Variants in FCRL4 observed in about 807,000 individuals in gnomAD.
FCRL4 encodes Fc receptor like 4.
Under a neutral mutation model 64.1 loss-of-function variants are expected in FCRL4, and 43 were observed. The observed-to-expected ratio is 0.67, with a 90% CI of 0.53 to 0.87. FCRL4 has a LOEUF of 0.87. Among genes scored for constraint, FCRL4 ranks in the 40% least tolerant of loss-of-function variants. The pLI is 0.00. For synonymous variants in FCRL4, 253 were observed against 239.8 expected (o/e 1.05, Z -0.51); for missense variants, 656 against 613.5 (o/e 1.07, Z -0.73).
Position 157,575,479 on chromosome 1 carries a change from G to T in FCRL4, c.*45C>A. Reference sequence around the variant, plus strand: ...GCACTGGGCCTGGGACTTTGGACAAGGGAGAAATCACATGAGTAGGACGTT... The same window carrying T: ...GCACTGGGCCTGGGACTTTGGACAATGGAGAAATCACATGAGTAGGACGTT... On this transcript the variant is annotated 3_prime_UTR_variant, in exon 12 of 12. Transcript: ENST00000271532. The T allele has an allele frequency of 6.8e-7, 1 of 1,469,026 alleles. No homozygotes were observed. Among genetic ancestry groups the T allele is most frequent in the Non-Finnish European group, 9.5e-7 (1 of 1,054,712 alleles). 91.0% of individuals were successfully genotyped at this position (1,469,026 alleles called of 1,614,324 possible). A position where few individuals can be genotyped will look rare whatever the true frequency, so the allele number is the denominator to read the frequency against.
rs1352210176 is a variant in FCRL4, at chr1:157,575,617, T to C, written c.1462-7A>G. On this transcript the variant is annotated splice_polypyrimidine_tract_variant and splice_region_variant and intron_variant, in intron 11 of 11. Transcript: ENST00000271532. ...AGTAGACAACTGAGACATCCTGAAA[T>C]GGAAGAAAGAAGTGGAAACCGAGAG... is the stretch of plus-strand genomic sequence containing the variant. The C allele has an allele frequency of 6.2e-7, 1 of 1,613,260 alleles. No homozygotes were observed. The highest frequency in any genetic ancestry group is 8.5e-7 in the Non-Finnish European group (1 of 1,179,448).
intron 2 of FCRL4, among the ~76,000 whole-genome samples, chr1:157,595,642 G>GC (rs1652944700): frequency 2.0e-5 from 3 of 152,232 alleles, no homozygotes; most frequent in African/African-American, 7.2e-5. Flanking sequence ...GTCTCAGGAA[G>GC]GGTGTGTGGG....
At chr1:157,592,887 C>A (rs1307339228) in intron 2 of FCRL4, among the ~76,000 whole-genome samples, 1 of 152,162 alleles carries the variant, frequency 6.6e-6, no homozygotes, top group Non-Finnish European at 1.5e-5. Flanking sequence ...ACATATACAC[C>A]ATGGAATACT....
In FCRL4 at chr1:157,578,529, C is replaced by CT. The variant is rs1170893933; in HGVS notation, c.1373dup (p.Asp460ArgfsTer6). The CT allele has an allele frequency of 3.3e-5, 54 of 1,613,906 alleles. No homozygotes were observed. The East Asian group carries it at 1.1e-3, about 34-fold the overall frequency. ...GGATCTCAGAGTATACCAAATCTCCCTTTTTGGGGTGTACTGGAAAGAAAA... is the reference window on the plus strand; with the variant it reads ...GGATCTCAGAGTATACCAAATCTCCCTTTTTTGGGGTGTACTGGAAAGAAAA... On this transcript the variant is annotated frameshift_variant, in exon 10 of 12. Transcript: ENST00000271532. LOFTEE classifies it high-confidence loss of function.
chr1:157,587,822 C>T (rs1447959346), intron 4 of FCRL4, 43 bp downstream of exon 4: 2 of 1,552,898 alleles, frequency 1.3e-6, no homozygotes, highest in Admixed American at 1.7e-5. Flanking sequence ...AGTTTCCTAT[C>T]CCTGTCATTA....
At chr1:157,585,503 C>T (rs765746351) in intron 6 of FCRL4, among the ~76,000 whole-genome samples, 16 of 151,702 alleles carry the variant, frequency 1.1e-4, no homozygotes, top group Admixed American at 2.0e-4. Flanking sequence ...TCCTTAGTGC[C>T]AAGGTAGCTG....
At position 157,578,831 on chromosome 1, in the gene FCRL4, T is replaced by TGA. The variant is rs778154009; in HGVS notation, c.1298_1299insTC (p.Gly434GlnfsTer52). On this transcript the variant is annotated frameshift_variant, in exon 9 of 12. Transcript: ENST00000271532. LOFTEE classifies it high-confidence loss of function. ...GGCAGATGGAATGGGAGGACTCTCC[T>TGA]GGGCCTGGAGCGGGAGGGAGCCTGT... 1 of 1,613,580 alleles carries TGA rather than the reference T, an allele frequency of 6.2e-7. No homozygotes were observed. The highest frequency in any genetic ancestry group is 8.5e-7 in the Non-Finnish European group (1 of 1,179,760).
intron 6 of FCRL4, among the ~76,000 whole-genome samples, chr1:157,584,518 A>C (rs1298671040): frequency 1.5e-5 from 2 of 137,924 alleles, no homozygotes; most frequent in Non-Finnish European, 3.2e-5. Flanking sequence ...TCTGGACAAC[A>C]GAGAGAGACC....
chr1:157,587,436 G>C lies in FCRL4; in HGVS notation c.687C>G (p.Phe229Leu). The C allele has an allele frequency of 6.2e-7, 1 of 1,614,260 alleles. No individual in the cohort carries two copies. Among genetic ancestry groups the C allele is most frequent in the South Asian group, 1.1e-5 (1 of 91,090 alleles). Residue 229 changes from phenylalanine (F) to leucine (L), a missense_variant, in exon 5 of 12, where the codon TTC becomes TTG. Physicochemically the swap from Phe to Leu is conservative, Grantham distance 22. Coordinates refer to ENST00000271532, the MANE Select transcript of FCRL4 (RefSeq NM_031282.3). Reference protein sequence around the residue: ...ERSDTPLHFNFFRDGEVILSD... With the variant: ...ERSDTPLHFNLFRDGEVILSD... ...ACAGGATGACCTCGCCATCTCTGAAGAAGTTGAAGTGAAGTGGGGTGTCTG... is the reference window on the plus strand; with the variant it reads ...ACAGGATGACCTCGCCATCTCTGAACAAGTTGAAGTGAAGTGGGGTGTCTG...
At chr1:157,588,155 G>A (rs76500287) in intron 3 of FCRL4, 36 bp from the exon 4 acceptor site, 20,663 of 1,564,404 alleles carry the variant, frequency 0.013, 586 homozygotes, top group African/African-American at 0.11. Context: ...GTCATTCAAA[G>A]CATTCCTGCT....
At chr1:157,580,517 T>C in intron 7 of FCRL4, 169 bp from the exon 8 acceptor site, 1 of 683,186 alleles carries the variant, frequency 1.5e-6, no homozygotes, top group Non-Finnish European at 2.6e-6. Context: ...ACAAAGCATA[T>C]AACTTTTTGA....
At position 157,574,014 on chromosome 1, in the gene FCRL4, T is replaced by C. The variant is rs1571131794; in HGVS notation, c.*1510A>G. The C allele has an allele frequency of 4.8e-6, 1 of 206,818 alleles. No individual in the cohort carries two copies. The highest frequency in any genetic ancestry group is 1.9e-4 in the South Asian group (1 of 5,306). The allele number at this position is 206,818 out of a possible 1,614,324, so 12.8% of individuals were successfully genotyped here. On this transcript the variant is annotated 3_prime_UTR_variant, in exon 12 of 12. Coordinates refer to ENST00000271532, the MANE Select transcript of FCRL4 (RefSeq NM_031282.3). ...AATTTATATGTCTTCTATTTTTCTT[T>C]TTCTCTTTTTTTGGGGGTGATACAT... is the stretch of plus-strand genomic sequence containing the variant.
chr1:157,587,142 G>C (rs1244407364), intron 5 of FCRL4, 134 bp downstream of exon 5: 1 of 923,466 alleles, frequency 1.1e-6, no homozygotes, highest in Non-Finnish European at 1.7e-6. Context: ...TTTTATTATA[G>C]TACTGCACTT....
intron 6 of FCRL4, among the ~76,000 whole-genome samples, chr1:157,582,937 G>A (rs941792339): frequency 2.6e-5 from 4 of 152,168 alleles, no homozygotes; most frequent in Non-Finnish European, 5.9e-5. Context: ...CCACACCCAG[G>A]CCTAGGATTC....
chr1:157,598,028 C>G lies in FCRL4; in HGVS notation c.-84G>C, dbSNP rs1040252096. 1 of 944,982 alleles carries G rather than the reference C, an allele frequency of 1.1e-6. No individual in the cohort carries two copies. The highest frequency in any genetic ancestry group is 1.7e-6 in the Non-Finnish European group (1 of 580,858). 58.5% of individuals were successfully genotyped at this position (944,982 alleles called of 1,614,324 possible). ...ATTGCCAAAGCAGCACTTGCCTACACCAGCACCAGCAGTGAGCTCAGTAAG... is the reference window on the plus strand; with the variant it reads ...ATTGCCAAAGCAGCACTTGCCTACAGCAGCACCAGCAGTGAGCTCAGTAAG... On this transcript the variant is annotated 5_prime_UTR_variant, in exon 1 of 12. Coordinates refer to ENST00000271532, the MANE Select transcript of FCRL4 (RefSeq NM_031282.3).
rs910160145 is a variant in FCRL4, at chr1:157,574,998, T to A, written c.*526A>T. 4.5e-6 allele frequency: 1 copy of A among 223,170 alleles called. No homozygotes were observed. Among genetic ancestry groups the A allele is most frequent in the East Asian group, 6.7e-5 (1 of 14,924 alleles). 13.8% of individuals were successfully genotyped at this position (223,170 alleles called of 1,614,324 possible). A position where few individuals can be genotyped will look rare whatever the true frequency, so the allele number is the denominator to read the frequency against. On this transcript the variant is annotated 3_prime_UTR_variant, in exon 12 of 12. Transcript: ENST00000271532. ...GGTTCTTTAATCTGCAACTGAATCC[T>A]GACAGTGTAAGCTGTGCAGGCAGAA...
chr1:157,574,258 A>C lies in FCRL4; in HGVS notation c.*1266T>G, dbSNP rs1394918519. Reference sequence around the variant, plus strand: ...AGAAGCCAGGTGATTTGCCCTATAGAACTTTTTCTCAGTTTATGTTTTGCT... The same window carrying C: ...AGAAGCCAGGTGATTTGCCCTATAGCACTTTTTCTCAGTTTATGTTTTGCT... On this transcript the variant is annotated 3_prime_UTR_variant, in exon 12 of 12. Coordinates refer to ENST00000271532, the MANE Select transcript of FCRL4 (RefSeq NM_031282.3). 2 of 219,100 alleles carry C rather than the reference A, an allele frequency of 9.1e-6. No homozygotes were observed. Among genetic ancestry groups the C allele is most frequent in the Non-Finnish European group, 1.8e-5 (2 of 109,424 alleles). The allele number at this position is 219,100 out of a possible 1,614,324, so 13.6% of individuals were successfully genotyped here.
chr1:157,591,992 G>C (rs1652849032), intron 2 of FCRL4, among the ~76,000 whole-genome samples: 1 of 152,132 alleles, frequency 6.6e-6, no homozygotes, highest in Non-Finnish European at 1.5e-5. Context: ...CATGAAATGG[G>C]GAAACGATTC....
chr1:157,583,164 T>C (rs1370745059), intron 6 of FCRL4, among the ~76,000 whole-genome samples: 4 of 152,236 alleles, frequency 2.6e-5, no homozygotes, highest in Non-Finnish European at 5.9e-5. Context: ...GTTTCCTATT[T>C]ACTGTTGTAA....
Sources: gnomAD v4.1 joint callset for allele counts (sites outside exome capture counted in the v4.1 genomes callset) on GRCh38, gnomAD v4.1.1 for gene constraint, MANE v1.5 for transcripts, NCBI Gene and HGNC (gene_info 2026-07-23, HGNC 2026-07-21) for gene names.